CNOT1: variants seen among roughly 807,000 people sequenced by gnomAD.
CNOT1 encodes the protein CCR4-associated factor 1.
Under a neutral mutation model 273.8 loss-of-function variants are expected in CNOT1, and 15 were observed. The ratio of observed to expected loss-of-function variants is 0.05; its 90% confidence interval spans 0.04 to 0.08. The LOEUF (loss-of-function observed/expected upper bound fraction) is 0.08. CNOT1 is among the 10% of genes least tolerant of loss of function. The pLI is 1.00. For missense variants in CNOT1, 1,644 were observed against 2,912.2 expected (o/e 0.56, Z 10.02); for synonymous variants, 1,022 against 1,005.5 (o/e 1.02, Z -0.31).
intron 1 of CNOT1, among the ~76,000 whole-genome samples, chr16:58,603,809 T>C (rs766228811): frequency 1.5e-4 from 23 of 152,148 alleles, no homozygotes; most frequent in Non-Finnish European, 2.9e-4. Context: ...GACTATCCTA[T>C]GCAAAACTGT....
At chr16:58,530,137 A>G (rs922860768) in intron 43 of CNOT1, 109 bp downstream of exon 43, 10 of 751,736 alleles carry the variant, frequency 1.3e-5, no homozygotes, top group African/African-American at 7.1e-5. Context: ...TTCTGAATGT[A>G]TATCATGCCT....
intron 2 of CNOT1, among the ~76,000 whole-genome samples, chr16:58,594,809 A>G (rs1385935902): frequency 6.6e-6 from 1 of 151,006 alleles, no homozygotes; most frequent in African/African-American, 2.5e-5. Context: ...CATTAAAAAA[A>G]AAAAAGAAAA....
intron 2 of CNOT1, among the ~76,000 whole-genome samples, chr16:58,594,131 C>T (rs2042161853): frequency 6.6e-6 from 1 of 152,186 alleles, no homozygotes; most frequent in African/African-American, 2.4e-5. Flanking sequence ...GTAATCCCAG[C>T]TACTCAGGAG....
At chr16:58,546,887 C>G in intron 27 of CNOT1, 138 bp from the exon 28 acceptor site, 4 of 1,152,118 alleles carry the variant, frequency 3.5e-6, no homozygotes, top group Non-Finnish European at 4.9e-6. Context: ...AAAAAATAAC[C>G]AAAAACAGTT....
chr16:58,538,705 C>CAGT lies in CNOT1; in HGVS notation c.5135+64_5135+66dup, dbSNP rs370834390. 13 of 1,587,938 alleles carry CAGT rather than the reference C, an allele frequency of 8.2e-6. No individual in the cohort carries two copies. In the African/African-American group the frequency reaches 1.3e-4, roughly 16 times the overall value. ...AAAAAGGGAAACCCCTGGACATAAACAGTACTATCTATGTCAAAAGGCAGT... is the reference window on the plus strand; with the variant it reads ...AAAAAGGGAAACCCCTGGACATAAACAGTAGTACTATCTATGTCAAAAGGCAGT... On this transcript the variant is annotated intron_variant, in intron 36 of 48. Transcript: ENST00000317147.
Position 58,599,401 on chromosome 16 carries a change from C to A in CNOT1, c.-64G>T. On this transcript the variant is annotated 5_prime_UTR_variant, in exon 2 of 49. Coordinates refer to ENST00000317147, the MANE Select transcript of CNOT1 (RefSeq NM_016284.5). ...AAAATCACCATTATTCCCCTTTAGT[C>A]ACCTCAGAGGCAGGTTAATGCTTTC... 2 of 1,604,866 alleles carry A rather than the reference C, an allele frequency of 1.2e-6. No homozygotes were observed. Among genetic ancestry groups the A allele is most frequent in the South Asian group, 2.2e-5 (2 of 90,788 alleles).
intron 35 of CNOT1, among the ~76,000 whole-genome samples, 187 bp downstream of exon 35, chr16:58,539,581 C>T (rs1236366957): frequency 1.3e-5 from 2 of 151,350 alleles, no homozygotes; most frequent in Non-Finnish European, 2.9e-5. Flanking sequence ...ATGAAGATTT[C>T]CAAGTTTACC....
intron 46 of CNOT1, among the ~76,000 whole-genome samples, chr16:58,524,594 TAA>T (rs572052631): frequency 6.6e-6 from 1 of 152,106 alleles, no homozygotes; most frequent in Non-Finnish European, 1.5e-5. Context: ...ATAGCAAAGT[TAA>T]AGAGTAGTGT....
At chr16:58,538,342 T>C (rs1476537167) in intron 36 of CNOT1, 76 bp from the exon 37 acceptor site, 1 of 761,008 alleles carries the variant, frequency 1.3e-6, no homozygotes, top group African/African-American at 1.7e-5. Flanking sequence ...CAATGGAAAT[T>C]TGCTCCAAAC....
At chr16:58,589,169 T>G (rs2041969681) in intron 2 of CNOT1, among the ~76,000 whole-genome samples, 1 of 152,170 alleles carries the variant, frequency 6.6e-6, no homozygotes, top group South Asian at 2.1e-4. Flanking sequence ...TCTGAGTAGC[T>G]AAGATCACAG....
chr16:58,576,349 G>A, intron 14 of CNOT1, 114 bp downstream of exon 14: 1 of 1,449,614 alleles, frequency 6.9e-7, no homozygotes. Flanking sequence ...TGACCTTGTG[G>A]ATCCGCCCAC....
intron 1 of CNOT1, among the ~76,000 whole-genome samples, chr16:58,600,288 T>C (rs999540056): frequency 1.2e-5 from 1 of 80,586 alleles, no homozygotes; most frequent in African/African-American, 5.3e-5. Context: ...GCCGAGATCA[T>C]GCCACTGCAT....
intron 30 of CNOT1, 123 bp from the exon 31 acceptor site, chr16:58,544,026 A>C: frequency 2.8e-6 from 4 of 1,425,534 alleles, no homozygotes; most frequent in Non-Finnish European, 3.7e-6. Flanking sequence ...TTCTACTTAA[A>C]GTTAACCAAT....
Position 58,585,368 on chromosome 16 carries a change from A to G in CNOT1, c.776T>C (p.Met259Thr). ...TMMESSLADF[M>T]QEVGYGFCAS... ...ACAAAAGCCATAGCCTACTTCTTGC[A>G]TGAAATCAGCCAAAGAGCTCTCCAT... Residue 259 changes from methionine to threonine, a missense_variant, in exon 8 of 49, where the codon ATG (methionine) becomes ACG (threonine). Physicochemically the swap from Met to Thr is moderately conservative, Grantham distance 81 (BLOSUM62 -1). Around this residue, in one of 13 missense-constraint regions of CNOT1, gnomAD observed 706 missense variants for 1,021.2 expected, o/e 0.69. Transcript: ENST00000317147. 6.2e-7 allele frequency: 1 copy of G among 1,613,944 alleles called. No individual in the cohort carries two copies. Among genetic ancestry groups the G allele is most frequent in the Non-Finnish European group, 8.5e-7 (1 of 1,180,004 alleles).
At position 58,537,876 on chromosome 16, in the gene CNOT1, G is replaced by A; in HGVS notation, c.5414+15C>T. ...CTACTAAATGCACAGGGATCTCAAA[G>A]CATTTCATCCTCACCCTTCTGGAGC... On this transcript the variant is annotated intron_variant, in intron 38 of 48. Transcript: ENST00000317147. The A allele has an allele frequency of 6.2e-7, 1 of 1,612,960 alleles. No homozygotes were observed. Among genetic ancestry groups the A allele is most frequent in the Non-Finnish European group, 8.5e-7 (1 of 1,178,964 alleles).
intron 28 of CNOT1, 46 bp from the exon 29 acceptor site, chr16:58,546,544 A>G: frequency 6.2e-7 from 1 of 1,600,478 alleles, no homozygotes; most frequent in East Asian, 2.2e-5. Context: ...AGAAAACTTT[A>G]GTTTTACTCA....
At chr16:58,529,725 C>A (rs772004026) in intron 43 of CNOT1, among the ~76,000 whole-genome samples, 4 of 151,160 alleles carry the variant, frequency 2.6e-5, no homozygotes, top group Non-Finnish European at 4.4e-5. Flanking sequence ...CCTGTAGTCT[C>A]TGCTACTAGG....
At chr16:58,608,553 C>CAAA (rs11397997) in intron 1 of CNOT1, among the ~76,000 whole-genome samples, 35 of 129,752 alleles carry the variant, frequency 2.7e-4, no homozygotes, top group African/African-American at 5.9e-4. Context: ...GACTCTGTCT[C>CAAA]AAAAAAAAAA....
At chr16:58,560,446 T>C in intron 16 of CNOT1, 84 bp from the exon 17 acceptor site, 1 of 1,514,522 alleles carries the variant, frequency 6.6e-7, no homozygotes, top group Non-Finnish European at 8.8e-7. Flanking sequence ...ATTTTTTTTT[T>C]TTTTAAGATG....
Sources: gnomAD v4.1 joint callset for allele counts (sites outside exome capture counted in the v4.1 genomes callset) on GRCh38, gnomAD v4.1.1 for gene constraint, gnomAD v4.1.1 regional missense constraint, MANE v1.5 for transcripts, NCBI Gene and HGNC (gene_info 2026-07-23, HGNC 2026-07-21) for gene names.